The following NBPF4 variants were observed in gnomAD, a reference collection of about 807,000 sequenced individuals.
The protein encoded by NBPF4 is NBPF family member NBPF4.
In NBPF4, 11 loss-of-function variants were observed where a neutral mutation model predicts 21.1. That is an observed-to-expected ratio of 0.52 (90% CI 0.33 to 0.86). The LOEUF (loss-of-function observed/expected upper bound fraction) is 0.86, where lower values mean the gene tolerates loss of function less well. NBPF4 is among the 40% of genes least tolerant of loss of function. The probability of loss-of-function intolerance (pLI) is 0.03; values close to 1 mark genes in which losing one functional copy is unlikely to be tolerated. For missense variants in NBPF4, 88 were observed against 265.3 expected, an observed-to-expected ratio of 0.33 and a Z score of 4.64; for synonymous variants, 47 against 106.4, an observed-to-expected ratio of 0.44 and a Z score of 3.43.
chr1:108,241,337 TATACACAC>T (rs1416263741), intron 3 of NBPF4, among the ~76,000 whole-genome samples, 173 bp from the exon 4 acceptor site: 17 of 94,504 alleles, frequency 1.8e-4, no homozygotes, highest in South Asian at 8.7e-4. Context: ...TATATATATA[TATACACAC>T]ACACACACAC....
intron 14 of NBPF4, among the ~76,000 whole-genome samples, chr1:108,224,201 C>G (rs374695019): frequency 0.053 from 4,661 of 87,638 alleles, 65 homozygotes; most frequent in African/African-American, 0.057. Flanking sequence ...ATGGGAAGAA[C>G]CCTGGATATG....
At chr1:108,246,598 T>C (rs2101691662), upstream of NBPF4, among the ~76,000 whole-genome samples, 1 of 103,950 alleles carries the variant, frequency 9.6e-6, no homozygotes, top group South Asian at 4.6e-4. Context: ...GATCCTGCAC[T>C]TACCCTCGTC....
upstream of NBPF4, among the ~76,000 whole-genome samples, chr1:108,247,969 A>G (rs1649889988): frequency 6.7e-6 from 1 of 150,124 alleles, no homozygotes; most frequent in Non-Finnish European, 1.5e-5. Flanking sequence ...ACACATCACC[A>G]TTTCTGGCTA....
chr1:108,248,186 T>C (rs1461489791), upstream of NBPF4, among the ~76,000 whole-genome samples: 5 of 151,440 alleles, frequency 3.3e-5, no homozygotes, highest in African/African-American at 1.2e-4. Context: ...TTGATATACT[T>C]CTATATACTT....
chr1:108,259,427 A>G, the NBPF4 span, among the ~76,000 whole-genome samples: 3 of 144,030 alleles, frequency 2.1e-5, no homozygotes, highest in Middle Eastern at 3.5e-3. Context: ...TTATTTCTCC[A>G]TGTTCTGCCT....
chr1:108,235,369 G>C, intron 8 of NBPF4, 82 bp from the exon 9 acceptor site: 1 of 101,512 alleles, frequency 9.9e-6, no homozygotes, highest in Non-Finnish European at 1.6e-5. Context: ...AATCTACATA[G>C]GGGCATAAAT....
chr1:108,247,977 C>CT (rs1450807036), upstream of NBPF4, among the ~76,000 whole-genome samples: 432 of 151,342 alleles, frequency 2.9e-3, 3 homozygotes, highest in African/African-American at 0.01. Context: ...CCATTTCTGG[C>CT]TATTTTTTTT....
At chr1:108,254,226 C>G in the NBPF4 span, among the ~76,000 whole-genome samples, 1 of 10,580 alleles carries the variant, frequency 9.5e-5, no homozygotes, top group Non-Finnish European at 1.5e-4. Context: ...AGGCTCCCAC[C>G]ACCATGCCTG....
chr1:108,229,154 G>T lies in NBPF4; in HGVS notation c.1426C>A (p.Pro476Thr). 1 of 1,547,498 alleles carries T rather than the reference G, an allele frequency of 6.5e-7. No individual in the cohort carries two copies. Among genetic ancestry groups the T allele is most frequent in the Non-Finnish European group, 8.7e-7 (1 of 1,143,774 alleles). Reference sequence around the variant, plus strand: ...CCTTGGGGACAGGCCGCCTCGGTGGGGGCTGAAAGGAGAAGGGGCTTCAGT... The same window carrying T: ...CCTTGGGGACAGGCCGCCTCGGTGGTGGCTGAAAGGAGAAGGGGCTTCAGT... Reference protein sequence around the residue: ...LACSALDVASPTEAACPQGTW... With the variant: ...LACSALDVASTTEAACPQGTW... Residue 476 changes from proline to threonine, a missense_variant and splice_region_variant, in exon 13 of 15, where the codon CCC (proline) becomes ACC (threonine). Physicochemically the swap from Pro to Thr is conservative, Grantham distance 38. This residue lies in a region of NBPF4 where 60 missense variants were observed against 86.5 expected (regional missense o/e 0.69). Transcript: ENST00000415641.
Position 108,226,739 on chromosome 1 carries a change from G to C in NBPF4, c.1815C>G (p.Leu605=), listed in dbSNP as rs1649488018. The part of the protein sequence containing the change: ...VLILKTIRRR[L]PFSKWRLAFR... ...ATGCCAGTCTCCACTTGCTGAACGG[G>C]AGTCTTCTTCTGATGGTCTTCAGTA... The change falls in exon 14 of 15, where the codon CTC becomes CTG. Residue 605 remains leucine (L), a synonymous_variant. Transcript: ENST00000415641. 7.0e-7 allele frequency: 1 copy of C among 1,423,156 alleles called. No individual in the cohort carries two copies. 88.2% of individuals were successfully genotyped at this position (1,423,156 alleles called of 1,614,324 possible).
At chr1:108,241,339 T>TATACACAC (rs1553260162) in intron 3 of NBPF4, among the ~76,000 whole-genome samples, 175 bp from the exon 4 acceptor site, 2 of 110,196 alleles carry the variant, frequency 1.8e-5, no homozygotes, top group African/African-American at 6.5e-5. Flanking sequence ...TATATATATA[T>TATACACAC]ACACACACAC....
At chr1:108,226,260 A>G (rs568421584) in intron 14 of NBPF4, among the ~76,000 whole-genome samples, 26 of 151,546 alleles carry the variant, frequency 1.7e-4, no homozygotes, top group South Asian at 8.3e-4. Flanking sequence ...GAAAATCTTC[A>G]TGTAAATGAT....
Position 108,223,314 on chromosome 1 carries a change from G to T in NBPF4, c.*391C>A, listed in dbSNP as rs186988716. 182 of 190,572 alleles carry T rather than the reference G, an allele frequency of 9.6e-4. No homozygotes were observed. The highest frequency in any genetic ancestry group is 2.2e-3 in the East Asian group (16 of 7,188). 11.8% of individuals were successfully genotyped at this position (190,572 alleles called of 1,614,324 possible). On this transcript the variant is annotated 3_prime_UTR_variant, in exon 15 of 15. Coordinates refer to ENST00000415641, the MANE Select transcript of NBPF4 (RefSeq NM_001143989.3). ...ATTCTGCAGTTATCTGAGGGTTACC[G>T]CCTATGAAACTCAGGCTAAGCGTTT...
chr1:108,256,575 CCCCTCCCTCCCTCTCTCCCT>C, the NBPF4 span, among the ~76,000 whole-genome samples: 1 of 93,778 alleles, frequency 1.1e-5, no homozygotes, highest in African/African-American at 5.0e-5. Flanking sequence ...CTCCTCCCCT[CCCCTCCCTCCCTCTCTCCCT>C]CCCTCCCTCC....
In NBPF4 at chr1:108,222,616, G is replaced by C. The variant is rs572877250; in HGVS notation, c.*1089C>G. Reference sequence around the variant, plus strand: ...CAAAAAGAAATTAAAATTAATTTTGGATGAAAGTTAAAATTTGGGCAGGGA... The same window carrying C: ...CAAAAAGAAATTAAAATTAATTTTGCATGAAAGTTAAAATTTGGGCAGGGA... On this transcript the variant is annotated 3_prime_UTR_variant, in exon 15 of 15. Transcript: ENST00000415641. Among the ~76,000 whole-genome samples, 159 of 152,210 alleles carry C rather than the reference G, an allele frequency of 1.0e-3. No individual in the cohort carries two copies. Among genetic ancestry groups the C allele is most frequent in the African/African-American group, 3.8e-3 (156 of 41,532 alleles).
chr1:108,246,403 C>T (rs1238163832), upstream of NBPF4, among the ~76,000 whole-genome samples: 2 of 118,856 alleles, frequency 1.7e-5, 1 homozygote. Flanking sequence ...GGTTTTATGC[C>T]CTGGACTTGA....
At position 108,223,108 on chromosome 1, in the gene NBPF4, C is replaced by T. The variant is rs868137705; in HGVS notation, c.*597G>A. ...ACAAACAAGTCCATGTCACCACCATCAATGACAACAACAAAAAGATGAGGA... is the reference window on the plus strand; with the variant it reads ...ACAAACAAGTCCATGTCACCACCATTAATGACAACAACAAAAAGATGAGGA... On this transcript the variant is annotated 3_prime_UTR_variant, in exon 15 of 15. Coordinates refer to ENST00000415641, the MANE Select transcript of NBPF4 (RefSeq NM_001143989.3). Among the ~76,000 whole-genome samples, 1 of 152,138 alleles carries T rather than the reference C, an allele frequency of 6.6e-6. No individual in the cohort carries two copies. The highest frequency in any genetic ancestry group is 1.5e-5 in the Non-Finnish European group (1 of 68,032).
chr1:108,268,785 G>C, the NBPF4 span, among the ~76,000 whole-genome samples: 1 of 142,588 alleles, frequency 7.0e-6, no homozygotes, highest in Admixed American at 7.3e-5. Context: ...AACACATGGG[G>C]TTCGGGTGAG....
chr1:108,255,716 TC>T, the NBPF4 span, among the ~76,000 whole-genome samples: 1 of 90,290 alleles, frequency 1.1e-5, no homozygotes, highest in East Asian at 3.5e-4. Context: ...AAGACATATA[TC>T]CTTTTTGATG....
Sources: allele counts gnomAD v4.1 joint callset (sites outside exome capture counted in the v4.1 genomes callset), GRCh38; gene constraint gnomAD v4.1.1; regional missense constraint gnomAD v4.1.1; transcripts MANE v1.5; gene names NCBI Gene and HGNC (gene_info 2026-07-23, HGNC 2026-07-21).